TMEM204: variants seen among roughly 807,000 people sequenced by gnomAD.
TMEM204 encodes transmembrane protein 204.
Under a neutral mutation model 19.4 loss-of-function variants are expected in TMEM204, and 15 were observed. That is an observed-to-expected ratio of 0.77 (90% CI 0.52 to 1.19). The LOEUF (loss-of-function observed/expected upper bound fraction) is 1.19, where lower values mean the gene tolerates loss of function less well. Ranked by LOEUF, TMEM204 falls within the 50% of genes most tolerant of loss-of-function variation. The pLI is 0.00. For missense variants in TMEM204, 287 were observed against 321.2 expected, an observed-to-expected ratio of 0.89 and a Z score of 0.81; for synonymous variants, 161 against 146.0, an observed-to-expected ratio of 1.10 and a Z score of -0.74.
At position 1,553,509 on chromosome 16, in the gene TMEM204, C is replaced by T. The variant is rs928416298; in HGVS notation, c.437-1273C>T. The T allele has an allele frequency of 2.0e-6, 2 of 991,888 alleles. No individual in the cohort carries two copies. The highest frequency in any genetic ancestry group is 1.1e-4 in the Admixed American group (2 of 17,694). The allele number at this position is 991,888 out of a possible 1,614,324, so 61.4% of individuals were successfully genotyped here. A position where few individuals can be genotyped will look rare whatever the true frequency, so the allele number is the denominator to read the frequency against. ...GCAGTGGGGCTCGGCGTGGCCGGAG[C>T]CTGGGGAGGGACATGGACAAGTCCT... On this transcript the variant is annotated intron_variant, in intron 2 of 2. Transcript: ENST00000566264. This position sits in a 1 kb window ranked among gnomAD's most constrained non-coding sequence, Gnocchi z 4.4.
chr16:1,529,876 C>T (rs953866839), upstream of TMEM204, among the ~76,000 whole-genome samples: 1 of 152,138 alleles, frequency 6.6e-6, no homozygotes. Context: ...AAATGATGCA[C>T]GTGGAGTGCA....
chr16:1,534,325 CA>C lies in TMEM204; in HGVS notation c.51del (p.Leu18SerfsTer81). The C allele has an allele frequency of 6.2e-7, 1 of 1,612,804 alleles. No homozygotes were observed. The highest frequency in any genetic ancestry group is 8.5e-7 in the Non-Finnish European group (1 of 1,179,894). ...GCGGCCGTGCTGGTGGCCCTGGTCT[CA>C]CTCATCCTCAACAACGTGGCGGCCT... ...VAAAVLVALVSLILNNVAAFT... is the reference protein window; with the variant it reads ...VAAAVLVALVXLILNNVAAFT... On this transcript the variant is annotated frameshift_variant, in exon 1 of 3. Coordinates refer to ENST00000566264, the MANE Select transcript of TMEM204 (RefSeq NM_024600.6). LOFTEE classifies it high-confidence loss of function.
chr16:1,541,376 G>A (rs1184928791), intron 1 of TMEM204: 33 of 985,290 alleles, frequency 3.3e-5, no homozygotes, highest in Non-Finnish European at 4.0e-5. Context: ...GCTTCTCCTC[G>A]GTCCCAAGTC....
upstream of TMEM204, among the ~76,000 whole-genome samples, chr16:1,529,877 G>A (rs1406182012): frequency 2.0e-5 from 3 of 152,188 alleles, no homozygotes; most frequent in East Asian, 1.9e-4. Flanking sequence ...AATGATGCAC[G>A]TGGAGTGCAG....
chr16:1,553,715 C>G lies in TMEM204; in HGVS notation c.437-1067C>G. On this transcript the variant is annotated intron_variant, in intron 2 of 2. Coordinates refer to ENST00000566264, the MANE Select transcript of TMEM204 (RefSeq NM_024600.6). This position sits in a 1 kb window ranked among gnomAD's most constrained non-coding sequence, Gnocchi z 4.4. Reference sequence around the variant, plus strand: ...GCTGGAGGCCCCATGGCCTCCAGGACAATCTGTGGCCACATCCCCATGGCT... The same window carrying G: ...GCTGGAGGCCCCATGGCCTCCAGGAGAATCTGTGGCCACATCCCCATGGCT... 9.0e-7 allele frequency: 1 copy of G among 1,111,928 alleles called. No individual in the cohort carries two copies. The highest frequency in any genetic ancestry group is 1.1e-6 in the Non-Finnish European group (1 of 899,936). 68.9% of individuals were successfully genotyped at this position (1,111,928 alleles called of 1,614,324 possible).
chr16:1,540,242 T>A (rs1000918752), intron 1 of TMEM204, among the ~76,000 whole-genome samples: 1 of 152,238 alleles, frequency 6.6e-6, no homozygotes, highest in Non-Finnish European at 1.5e-5. Context: ...TCCAGAGCTT[T>A]GAGGTTATTC....
chr16:1,555,431 A>T lies in TMEM204; in HGVS notation c.*405A>T. 1 of 182,474 alleles carries T rather than the reference A, an allele frequency of 5.5e-6. No individual in the cohort carries two copies. Among genetic ancestry groups the T allele is most frequent in the Non-Finnish European group, 1.1e-5 (1 of 87,104 alleles). 11.3% of individuals were successfully genotyped at this position (182,474 alleles called of 1,614,324 possible). A position where few individuals can be genotyped will look rare whatever the true frequency, so the allele number is the denominator to read the frequency against. On this transcript the variant is annotated 3_prime_UTR_variant, in exon 3 of 3. Transcript: ENST00000566264. ...ACTTTGGTAAAGCAGAAAACCAGGA[A>T]AATTTTCTTAAAATATCCACAATAT... is the stretch of plus-strand genomic sequence containing the variant.
At chr16:1,530,530 G>A (rs544925981), upstream of TMEM204, among the ~76,000 whole-genome samples, 6 of 152,322 alleles carry the variant, frequency 3.9e-5, no homozygotes, top group South Asian at 8.3e-4. Flanking sequence ...TACCTGCCCC[G>A]CGTGGCTCCT....
chr16:1,528,988 T>A (rs947328425), upstream of TMEM204, among the ~76,000 whole-genome samples: 1 of 152,036 alleles, frequency 6.6e-6, no homozygotes, highest in Non-Finnish European at 1.5e-5. Flanking sequence ...GGCTCCGAGA[T>A]GGTAGCCCCG....
chr16:1,531,612 G>C (rs1455111706), upstream of TMEM204: 1 of 152,288 alleles, frequency 6.6e-6, no homozygotes, highest in Admixed American at 6.5e-5. The surrounding 1 kb of genome is among the most constrained non-coding windows in gnomAD (Gnocchi z 4.7). Flanking sequence ...CCCCCCGAGA[G>C]CCACAGATCC....
Position 1,534,147 on chromosome 16 carries a change from G to T in TMEM204, c.-129G>T. 3.2e-6 allele frequency: 4 copies of T among 1,240,758 alleles called. No individual in the cohort carries two copies. Among genetic ancestry groups the T allele is most frequent in the Non-Finnish European group, 3.3e-6 (3 of 916,454 alleles). 76.9% of individuals were successfully genotyped at this position (1,240,758 alleles called of 1,614,324 possible). On this transcript the variant is annotated 5_prime_UTR_variant, in exon 1 of 3. Coordinates refer to ENST00000566264, the MANE Select transcript of TMEM204 (RefSeq NM_024600.6). ...CACCTGGACCATCCCATGGGCCTCC[G>T]CCCGCGCCGCCCCGAGGATGAGTGG...
intron 1 of TMEM204, among the ~76,000 whole-genome samples, 167 bp downstream of exon 1, chr16:1,534,722 A>C (rs1478490650): frequency 6.6e-6 from 1 of 152,154 alleles, no homozygotes; most frequent in African/African-American, 2.4e-5. Flanking sequence ...CCAGGGAACC[A>C]GGCCCCAAGG....
intron 2 of TMEM204, chr16:1,554,062 TGGA>T: frequency 7.8e-7 from 1 of 1,287,050 alleles, no homozygotes; most frequent in Non-Finnish European, 1.0e-6. Flanking sequence ...GGGGAAAGCA[TGGA>T]AGGAAAATCT....
At position 1,534,371 on chromosome 16, in the gene TMEM204, C is replaced by T. The variant is rs757809088; in HGVS notation, c.96C>T (p.Cys32=). 1.9e-6 allele frequency: 3 copies of T among 1,612,810 alleles called. No individual in the cohort carries two copies. The highest frequency in any genetic ancestry group is 3.3e-5 in the Admixed American group (2 of 60,020). Residue 32 remains cysteine, a synonymous_variant, in exon 1 of 3, where the codon TGC becomes TGT. Coordinates refer to ENST00000566264, the MANE Select transcript of TMEM204 (RefSeq NM_024600.6). Reference sequence around the variant, plus strand: ...CGGCCTTCACCTCCAACTGGGTGTGCCAGACGCTGGAGGATGGGCGCAGGC... The same window carrying T: ...CGGCCTTCACCTCCAACTGGGTGTGTCAGACGCTGGAGGATGGGCGCAGGC... ...NVAAFTSNWV[C]QTLEDGRRRS...
At position 1,541,958 on chromosome 16, in the gene TMEM204, C is replaced by T; in HGVS notation, c.318C>T (p.Ala106=). The change falls in exon 2 of 3, where the codon GCC becomes GCT. Residue 106 remains alanine (A), a synonymous_variant. Transcript: ENST00000566264. ...FDMMRACNLV[A]TAALTAGQLT... ...TGATGCGCGCCTGCAACCTGGTGGC[C>T]ACGGCCGCGCTCACCGCAGGCCAGC... 1.2e-6 allele frequency: 2 copies of T among 1,609,046 alleles called. No homozygotes were observed. Among genetic ancestry groups the T allele is most frequent in the Non-Finnish European group, 1.7e-6 (2 of 1,178,754 alleles).
At position 1,553,030 on chromosome 16, in the gene TMEM204, A is replaced by G. The variant is rs1170390248; in HGVS notation, c.437-1752A>G. 1.0e-6 allele frequency: 1 copy of G among 985,334 alleles called. No homozygotes were observed. Among genetic ancestry groups the G allele is most frequent in the African/African-American group, 1.7e-5 (1 of 57,256 alleles). The allele number at this position is 985,334 out of a possible 1,614,324, so 61.0% of individuals were successfully genotyped here. ...GAAGCTCCATGAAGTATTATAAAGA[A>G]TGAACACAGAAACCAGTCACTGTCA... On this transcript the variant is annotated intron_variant, in intron 2 of 2. Coordinates refer to ENST00000566264, the MANE Select transcript of TMEM204 (RefSeq NM_024600.6). The surrounding 1 kb of genome is among the most constrained non-coding windows in gnomAD (Gnocchi z 4.4).
intron 1 of TMEM204, chr16:1,541,292 TG>T (rs2031609940): frequency 1.1e-5 from 11 of 984,612 alleles, no homozygotes; most frequent in Non-Finnish European, 1.3e-5. Context: ...GGGGGGCAGG[TG>T]GGGGGCACTG....
chr16:1,545,508 A>T (rs1030872732), intron 2 of TMEM204, among the ~76,000 whole-genome samples: 11 of 151,936 alleles, frequency 7.2e-5, no homozygotes, highest in African/African-American at 2.7e-4. Flanking sequence ...CTAATTTTAG[A>T]GTCGGGTTTT....
chr16:1,546,829 G>A (rs1212496316), intron 2 of TMEM204, among the ~76,000 whole-genome samples: 1 of 152,222 alleles, frequency 6.6e-6, no homozygotes, highest in Non-Finnish European at 1.5e-5. Context: ...TCTGTACTTG[G>A]GTTGAGTCAT....
Sources: allele counts gnomAD v4.1 joint callset (sites outside exome capture counted in the v4.1 genomes callset), GRCh38; gene constraint gnomAD v4.1.1; non-coding constraint Gnocchi (gnomAD v3.1); transcripts MANE v1.5; gene names NCBI Gene and HGNC (gene_info 2026-07-23, HGNC 2026-07-21).